ITPR1: variants seen among roughly 807,000 people sequenced by gnomAD.
ITPR1 encodes the protein inositol 1,4,5-trisphosphate-gated calcium channel ITPR1.
Under a neutral mutation model 318.4 loss-of-function variants are expected in ITPR1, and 96 were observed. The ratio of observed to expected loss-of-function variants is 0.30; its 90% confidence interval spans 0.26 to 0.36. The LOEUF is 0.36. Among genes scored for constraint, ITPR1 ranks in the 10% least tolerant of loss-of-function variants. The pLI is 1.00. For missense variants in ITPR1, 2,440 were observed against 3,460.2 expected (o/e 0.71, Z 7.40); for synonymous variants, 1,312 against 1,289.9 (o/e 1.02, Z -0.37).
intron 45 of ITPR1, among the ~76,000 whole-genome samples, chr3:4,767,654 G>A (rs1423169479): frequency 6.6e-6 from 1 of 152,218 alleles, no homozygotes; most frequent in African/African-American, 2.4e-5. Context: ...GAGTAGCTGG[G>A]ACTGCAAGTA....
intron 4 of ITPR1, among the ~76,000 whole-genome samples, chr3:4,593,589 G>A (rs941864312): frequency 6.6e-6 from 1 of 152,188 alleles, no homozygotes; most frequent in Non-Finnish European, 1.5e-5. Context: ...ATAATTATAT[G>A]TGAAGTTCAG....
chr3:4,667,071 G>A (rs1389938613), intron 17 of ITPR1, among the ~76,000 whole-genome samples: 1 of 152,098 alleles, frequency 6.6e-6, no homozygotes, highest in Non-Finnish European at 1.5e-5. Flanking sequence ...AACCAGCTTT[G>A]GACCTTTTTG....
intron 4 of ITPR1, among the ~76,000 whole-genome samples, chr3:4,542,954 T>A (rs768251247): frequency 5.3e-5 from 8 of 152,216 alleles, no homozygotes; most frequent in Non-Finnish European, 8.8e-5. Flanking sequence ...TTTTTCTGTG[T>A]ATTAATTGAT....
chr3:4,618,807 A>G (rs1030894063), intron 4 of ITPR1, among the ~76,000 whole-genome samples: 1 of 152,138 alleles, frequency 6.6e-6, no homozygotes, highest in African/African-American at 2.4e-5. Context: ...TCTTTCTCAC[A>G]TCTGTCTGTG....
At chr3:4,539,328 C>A (rs2084189315) in intron 4 of ITPR1, among the ~76,000 whole-genome samples, 1 of 152,078 alleles carries the variant, frequency 6.6e-6, no homozygotes. Flanking sequence ...GAGAGGCTTG[C>A]TTTGTGGCCT....
At chr3:4,806,677 G>C (rs562236380) in intron 55 of ITPR1, among the ~76,000 whole-genome samples, 23 of 152,238 alleles carry the variant, frequency 1.5e-4, no homozygotes, top group African/African-American at 5.5e-4. Flanking sequence ...CACGTGTAGC[G>C]ACCATAAGAG....
intron 44 of ITPR1, among the ~76,000 whole-genome samples, chr3:4,759,690 C>A (rs561239531): frequency 6.6e-6 from 1 of 152,294 alleles, no homozygotes; most frequent in Non-Finnish European, 1.5e-5. Context: ...TTTTATCTAG[C>A]GGCGTCTTTA....
chr3:4,529,971 A>G (rs922164767), intron 4 of ITPR1, among the ~76,000 whole-genome samples: 1 of 152,182 alleles, frequency 6.6e-6, no homozygotes, highest in Non-Finnish European at 1.5e-5. Flanking sequence ...ATTTGAACCC[A>G]GTCAATCTAA....
chr3:4,559,015 T>A (rs1290795569), intron 4 of ITPR1, among the ~76,000 whole-genome samples: 4 of 152,166 alleles, frequency 2.6e-5, no homozygotes, highest in Non-Finnish European at 4.4e-5. Context: ...AAATACTTTT[T>A]AATTTTATTA....
chr3:4,811,178 C>G (rs1280680602), intron 55 of ITPR1, 87 bp from the exon 56 acceptor site: 3 of 917,186 alleles, frequency 3.3e-6, no homozygotes, highest in East Asian at 5.4e-5. Flanking sequence ...AGAGGGCAAA[C>G]TCTCTATAAA....
chr3:4,748,565 C>T (rs917493707), intron 44 of ITPR1, among the ~76,000 whole-genome samples: 2 of 152,120 alleles, frequency 1.3e-5, no homozygotes, highest in African/African-American at 4.8e-5. Flanking sequence ...GGCTCTTCCT[C>T]AGTTATCGTT....
intron 4 of ITPR1, among the ~76,000 whole-genome samples, chr3:4,617,315 G>A (rs1427735046): frequency 2.6e-5 from 4 of 152,152 alleles, no homozygotes. Context: ...GAAGTCCAAT[G>A]TCAAGGTGCC....
intron 51 of ITPR1, among the ~76,000 whole-genome samples, 194 bp downstream of exon 51, chr3:4,784,114 G>C (rs1016307935): frequency 2.6e-5 from 4 of 152,120 alleles, no homozygotes; most frequent in African/African-American, 9.7e-5. Flanking sequence ...GTCCGGTGGG[G>C]AAGAGGACAC....
chr3:4,647,254 TA>T (rs1409659745), intron 10 of ITPR1, among the ~76,000 whole-genome samples: 1 of 152,234 alleles, frequency 6.6e-6, no homozygotes, highest in African/African-American at 2.4e-5. Flanking sequence ...TACTGCATAA[TA>T]CTCCATCATA....
In ITPR1 at chr3:4,710,282, G is replaced by A. The variant is rs2041255803; in HGVS notation, c.4843-43G>A. 1 of 1,488,844 alleles carries A rather than the reference G, an allele frequency of 6.7e-7. No individual in the cohort carries two copies. Among genetic ancestry groups the A allele is most frequent in the Non-Finnish European group, 9.0e-7 (1 of 1,110,700 alleles). The allele number at this position is 1,488,844 out of a possible 1,614,324, so 92.2% of individuals were successfully genotyped here. A position where few individuals can be genotyped will look rare whatever the true frequency, so the allele number is the denominator to read the frequency against. On this transcript the variant is annotated intron_variant, in intron 37 of 61. Coordinates refer to ENST00000649015, the MANE Select transcript of ITPR1 (RefSeq NM_001378452.1). This position sits in a 1 kb window ranked among gnomAD's most constrained non-coding sequence, Gnocchi z 4.2. ...CAATGTCCTCACCCTCCTGTGGTCA[G>A]CGTCTGCCTGAGCCGTTGACTGAGG...
At chr3:4,612,429 C>T (rs2092186866) in intron 4 of ITPR1, among the ~76,000 whole-genome samples, 1 of 152,138 alleles carries the variant, frequency 6.6e-6, no homozygotes, top group South Asian at 2.1e-4. Flanking sequence ...CCCAATCCCC[C>T]ATGGATACCA....
intron 59 of ITPR1, among the ~76,000 whole-genome samples, chr3:4,815,580 C>T (rs1174833479): frequency 6.6e-6 from 1 of 152,082 alleles, no homozygotes; most frequent in Non-Finnish European, 1.5e-5. Context: ...ATGTAACACT[C>T]CTAGCTAGAA....
intron 56 of ITPR1, among the ~76,000 whole-genome samples, chr3:4,812,558 C>A (rs1013436827): frequency 1.3e-5 from 2 of 152,164 alleles, no homozygotes; most frequent in African/African-American, 2.4e-5. Context: ...CAAGTGCCCT[C>A]TTCTCTCAGT....
intron 4 of ITPR1, among the ~76,000 whole-genome samples, chr3:4,580,651 T>C (rs1344777030): frequency 2.0e-5 from 3 of 150,896 alleles, no homozygotes; most frequent in Non-Finnish European, 4.4e-5. Flanking sequence ...GTGTTGTTCA[T>C]AGTCCTCCAC....
Sources: gnomAD v4.1 joint callset for allele counts (sites outside exome capture counted in the v4.1 genomes callset) on GRCh38, gnomAD v4.1.1 for gene constraint, Gnocchi (gnomAD v3.1) non-coding constraint, MANE v1.5 for transcripts, NCBI Gene and HGNC (gene_info 2026-07-23, HGNC 2026-07-21) for gene names.